The following RPS6KC1 variants were observed in gnomAD, a reference collection of about 807,000 sequenced individuals.
RPS6KC1 encodes the protein ribosomal protein S6 kinase C1, also known as inactive ribosomal protein S6 kinase delta-1.
In RPS6KC1, 54 loss-of-function variants were observed where a neutral mutation model predicts 103.8. The ratio of observed to expected loss-of-function variants is 0.52; its 90% CI spans 0.42 to 0.65. RPS6KC1 has a LOEUF of 0.65. Among genes scored for constraint, RPS6KC1 ranks in the 30% least tolerant of loss-of-function variants. RPS6KC1 has a pLI of 0.00. For synonymous variants in RPS6KC1, 439 were observed against 438.7 expected (o/e 1.00, Z -0.01); for missense variants, 1,151 against 1,253.8 (o/e 0.92, Z 1.24).
the RPS6KC1 span, among the ~76,000 whole-genome samples, chr1:213,476,842 C>A: frequency 6.6e-6 from 1 of 152,218 alleles, no homozygotes; most frequent in East Asian, 1.9e-4. Flanking sequence ...AGAGGATTTA[C>A]AGAGAATCAT....
chr1:213,787,642 G>T, the RPS6KC1 span, among the ~76,000 whole-genome samples: 2 of 151,684 alleles, frequency 1.3e-5, no homozygotes, highest in African/African-American at 4.9e-5. Flanking sequence ...TTGATAGCTA[G>T]GTGGATAAGG....
chr1:213,575,457 G>T, the RPS6KC1 span, among the ~76,000 whole-genome samples: 1 of 152,136 alleles, frequency 6.6e-6, no homozygotes, highest in Non-Finnish European at 1.5e-5. Context: ...CATGGGGGCG[G>T]TTACCCCCGT....
the RPS6KC1 span, among the ~76,000 whole-genome samples, chr1:213,623,872 C>T: frequency 0.037 from 5,610 of 152,268 alleles, 205 homozygotes; most frequent in African/African-American, 0.098. Context: ...ATTCACCTGT[C>T]ATCTTACCTT....
the RPS6KC1 span, among the ~76,000 whole-genome samples, chr1:213,575,348 A>G: frequency 1.3e-5 from 2 of 152,172 alleles, no homozygotes; most frequent in South Asian, 4.1e-4. Context: ...CTGGTAAAAT[A>G]GGCAATGAGA....
the RPS6KC1 span, among the ~76,000 whole-genome samples, chr1:213,854,562 T>TTCTTTCTTTC: frequency 0.015 from 1,815 of 122,308 alleles, 32 homozygotes; most frequent in African/African-American, 0.052. Context: ...CTTTCTTTCT[T>TTCTTTCTTTC]TCTCTCTCTC....
the RPS6KC1 span, among the ~76,000 whole-genome samples, chr1:213,708,999 G>A: frequency 1.5e-3 from 228 of 152,206 alleles, 1 homozygote; most frequent in Admixed American, 3.1e-3. Flanking sequence ...CAGGGATATC[G>A]GCCTGAAATT....
the RPS6KC1 span, among the ~76,000 whole-genome samples, chr1:213,533,199 T>C: frequency 6.6e-6 from 1 of 152,126 alleles, no homozygotes; most frequent in African/African-American, 2.4e-5. Flanking sequence ...CATGCCAGAC[T>C]GAGTCCAGCG....
At chr1:213,266,719 A>C (rs1300909818) in intron 14 of RPS6KC1, among the ~76,000 whole-genome samples, 3 of 152,008 alleles carry the variant, frequency 2.0e-5, no homozygotes, top group African/African-American at 7.2e-5. Flanking sequence ...CCAGCCTAAT[A>C]TGATGAAACC....
At chr1:213,249,409 T>C (rs1006808869) in intron 12 of RPS6KC1, among the ~76,000 whole-genome samples, 2 of 152,242 alleles carry the variant, frequency 1.3e-5, no homozygotes, top group African/African-American at 4.8e-5. Flanking sequence ...TTCGAATAAA[T>C]GTTTAAAAAT....
the RPS6KC1 span, among the ~76,000 whole-genome samples, chr1:213,307,338 G>A: frequency 1.3e-4 from 19 of 151,838 alleles, no homozygotes; most frequent in Non-Finnish European, 2.5e-4. Flanking sequence ...AGCGTGAGTC[G>A]CCGCGCCTGG....
At chr1:213,817,691 C>CA in the RPS6KC1 span, 5 of 152,204 alleles carry the variant, frequency 3.3e-5, no homozygotes, top group Non-Finnish European at 5.9e-5. Context: ...TCAGGCAGAT[C>CA]AAACTCCCTG....
the RPS6KC1 span, among the ~76,000 whole-genome samples, chr1:213,474,227 G>GTGAC: frequency 1.3e-5 from 2 of 152,170 alleles, no homozygotes. Flanking sequence ...CTCGGTGGAT[G>GTGAC]TCAGCCATGA....
At chr1:213,649,240 T>C in the RPS6KC1 span, among the ~76,000 whole-genome samples, 1 of 143,260 alleles carries the variant, frequency 7.0e-6, no homozygotes, top group South Asian at 2.3e-4. Flanking sequence ...AGCCTATGAG[T>C]ACGTTCAAGT....
the RPS6KC1 span, among the ~76,000 whole-genome samples, chr1:213,317,153 TG>T: frequency 1.3e-5 from 2 of 152,196 alleles, no homozygotes; most frequent in African/African-American, 4.8e-5. Context: ...AAATATAACT[TG>T]GGTGTATGTA....
At chr1:213,263,429 T>A (rs2094844107) in intron 14 of RPS6KC1, among the ~76,000 whole-genome samples, 2 of 152,198 alleles carry the variant, frequency 1.3e-5, no homozygotes, top group Non-Finnish European at 1.5e-5. Flanking sequence ...ACTCTTCTAG[T>A]TTCGTGTAGT....
At chr1:213,675,127 G>A in the RPS6KC1 span, among the ~76,000 whole-genome samples, 1 of 152,192 alleles carries the variant, frequency 6.6e-6, no homozygotes, top group Admixed American at 6.5e-5. Flanking sequence ...CTTTGGCTGA[G>A]CAGAAGCTCT....
At chr1:213,335,674 T>C in the RPS6KC1 span, among the ~76,000 whole-genome samples, 1 of 152,182 alleles carries the variant, frequency 6.6e-6, no homozygotes, top group Non-Finnish European at 1.5e-5. Context: ...CACACCAAGA[T>C]ACAAGGGAGA....
At chr1:213,547,648 T>A in the RPS6KC1 span, among the ~76,000 whole-genome samples, 5 of 152,226 alleles carry the variant, frequency 3.3e-5, no homozygotes, top group African/African-American at 1.2e-4. Flanking sequence ...ATGGTTGTCC[T>A]CTTGGTTGAG....
rs201799871 is a variant in RPS6KC1 at position 213,092,941 on chromosome 1, TA to T, written c.263-11507del. On this transcript the variant is annotated intron_variant, in intron 3 of 14. Transcript: ENST00000366960. ...GTTAGAGGATACATAGCTGGCTTCT[TA>T]AAAAAGAAACTTGTCACTGGGTGAA... is the stretch of plus-strand genomic sequence containing the variant. 7.0e-3 allele frequency among the ~76,000 whole-genome samples: 1,064 copies of T among 152,264 alleles called. 14 individuals carry two copies. The highest frequency in any genetic ancestry group is 0.024 in the African/African-American group (1,008 of 41,540).
Sources: gnomAD v4.1 joint callset for allele counts (sites outside exome capture counted in the v4.1 genomes callset) on GRCh38, gnomAD v4.1.1 for gene constraint, MANE v1.5 for transcripts, NCBI Gene and HGNC (gene_info 2026-07-23, HGNC 2026-07-21) for gene names.